The following UPB1 variants were observed in gnomAD, a reference collection of about 807,000 sequenced individuals.
The protein encoded by UPB1 is beta-ureidopropionase.
A neutral mutation model predicts 49.1 loss-of-function variants in UPB1; 40 were observed. The observed-to-expected ratio is 0.81, with a 90% CI of 0.63 to 1.06. The LOEUF (loss-of-function observed/expected upper bound fraction) is 1.06, where lower values mean the gene tolerates loss of function less well. Ranked by LOEUF, UPB1 falls within the 50% of genes least tolerant of loss-of-function variation. The pLI is 0.00. For missense variants in UPB1, 499 were observed against 505.9 expected (o/e 0.99, Z 0.13); for synonymous variants, 207 against 198.2 (o/e 1.04, Z -0.38).
intron 2 of UPB1, among the ~76,000 whole-genome samples, chr22:24,500,672 A>G (rs999259100): frequency 2.6e-5 from 4 of 152,242 alleles, no homozygotes; most frequent in African/African-American, 4.8e-5. Context: ...CTTCTGCCTT[A>G]ATCCTCAGGG....
At chr22:24,495,637 A>G in intron 1 of UPB1, 130 bp downstream of exon 1, 1 of 973,302 alleles carries the variant, frequency 1.0e-6, no homozygotes, top group Non-Finnish European at 1.6e-6. Flanking sequence ...GTTGGCGGGC[A>G]GAGACCATAG....
chr22:24,523,120 C>T (rs1295261860), intron 8 of UPB1, among the ~76,000 whole-genome samples: 2 of 152,164 alleles, frequency 1.3e-5, no homozygotes, highest in Admixed American at 6.5e-5. Context: ...GAATGAGCGT[C>T]CACTGGGTGC....
chr22:24,520,301 T>G, intron 6 of UPB1, 86 bp from the exon 7 acceptor site: 3 of 1,489,296 alleles, frequency 2.0e-6, no homozygotes, highest in African/African-American at 2.8e-5. Context: ...CAGGAAAGCC[T>G]GCAGCCAGGC....
At chr22:24,516,020 C>T (rs922565132) in intron 6 of UPB1, among the ~76,000 whole-genome samples, 2 of 152,150 alleles carry the variant, frequency 1.3e-5, no homozygotes, top group Non-Finnish European at 2.9e-5. Flanking sequence ...AGAACCCCCA[C>T]ATCTAAGTCC....
intron 4 of UPB1, among the ~76,000 whole-genome samples, chr22:24,512,789 T>C (rs2044229146): frequency 6.6e-6 from 1 of 152,322 alleles, no homozygotes; most frequent in African/African-American, 2.4e-5. Context: ...CATACAGTAT[T>C]TGTCTTTTTG....
chr22:24,509,154 G>A (rs2044146137), intron 3 of UPB1, among the ~76,000 whole-genome samples: 1 of 152,070 alleles, frequency 6.6e-6, no homozygotes, highest in African/African-American at 2.4e-5. Context: ...CAGCAGACTG[G>A]CAGGTACTAA....
At chr22:24,502,342 C>T (rs2232866) in intron 3 of UPB1, 129 bp downstream of exon 3, 579,746 of 1,043,794 alleles carry the variant, frequency 0.56, 163,114 homozygotes, top group African/African-American at 0.68. Flanking sequence ...GAAAGTTCTC[C>T]GTCCACATCA....
chr22:24,525,120 T>C (rs2044460445), intron 9 of UPB1, among the ~76,000 whole-genome samples: 1 of 152,108 alleles, frequency 6.6e-6, no homozygotes, highest in Non-Finnish European at 1.5e-5. Context: ...GTTTTCTCAT[T>C]AGACACTTCT....
chr22:24,517,946 C>G lies in UPB1; in HGVS notation c.792-2441C>G, dbSNP rs555869862. 3.9e-5 allele frequency among the ~76,000 whole-genome samples: 6 copies of G among 152,324 alleles called. No individual in the cohort carries two copies. The East Asian group carries it at 9.6e-4, about 24-fold the overall frequency. ...TTGGGAGGCCAAGGCTGGCGGATCACTTGAGGTCAGGAGTTTGAGACCATC... is the reference window on the plus strand; with the variant it reads ...TTGGGAGGCCAAGGCTGGCGGATCAGTTGAGGTCAGGAGTTTGAGACCATC... On this transcript the variant is annotated intron_variant, in intron 6 of 9. Coordinates refer to ENST00000326010, the MANE Select transcript of UPB1 (RefSeq NM_016327.3).
chr22:24,514,170 C>G (rs140415523), intron 5 of UPB1, among the ~76,000 whole-genome samples: 103 of 152,228 alleles, frequency 6.8e-4, no homozygotes, highest in African/African-American at 2.4e-3. Context: ...TGCAGTTGTT[C>G]AGGATGTGAT....
intron 3 of UPB1, chr22:24,502,572 G>GC (rs747056781): frequency 1.8e-5 from 14 of 769,780 alleles, no homozygotes; most frequent in Non-Finnish European, 2.4e-5. Flanking sequence ...CCCAGAGCCA[G>GC]CCCCCCCATC....
At position 24,495,384 on chromosome 22, in the gene UPB1, A is replaced by G. The variant is rs368237419; in HGVS notation, c.-20A>G. The stretch of plus-strand genomic sequence containing the variant: ...GGCAGGCAGTTCGTGCGCGGACACA[A>G]GCACTGGCGGACCGTGGCCATGGCG... On this transcript the variant is annotated 5_prime_UTR_variant, in exon 1 of 10. Transcript: ENST00000326010. 3.1e-6 allele frequency: 5 copies of G among 1,611,974 alleles called. No individual in the cohort carries two copies. The highest frequency in any genetic ancestry group is 4.2e-6 in the Non-Finnish European group (5 of 1,179,770).
intron 2 of UPB1, among the ~76,000 whole-genome samples, chr22:24,501,170 C>T (rs1027747111): frequency 1.3e-5 from 2 of 152,176 alleles, no homozygotes; most frequent in African/African-American, 2.4e-5. Flanking sequence ...GTATGCTTTG[C>T]GTTTTGCTAA....
At chr22:24,523,808 T>C in intron 9 of UPB1, 35 bp downstream of exon 9, 2 of 1,613,700 alleles carry the variant, frequency 1.2e-6, no homozygotes, top group Non-Finnish European at 1.7e-6. Context: ...TGCCTGCTCC[T>C]CTGCTTTGGC....
chr22:24,522,967 A>T (rs2044422152), intron 8 of UPB1, among the ~76,000 whole-genome samples: 2 of 149,532 alleles, frequency 1.3e-5, no homozygotes, highest in African/African-American at 2.4e-5. Context: ...AAAAAAAAAA[A>T]TGCCAGAAGG....
intron 1 of UPB1, among the ~76,000 whole-genome samples, chr22:24,497,901 G>A (rs2043921710): frequency 6.6e-6 from 1 of 152,198 alleles, no homozygotes; most frequent in Non-Finnish European, 1.5e-5. Flanking sequence ...ACGTCCTAGT[G>A]AACACTGTCC....
At chr22:24,514,103 G>A (rs2044252948) in intron 5 of UPB1, among the ~76,000 whole-genome samples, 1 of 152,238 alleles carries the variant, frequency 6.6e-6, no homozygotes, top group African/African-American at 2.4e-5. Context: ...TTTGAAGGAG[G>A]GAAATGACCT....
rs774887595 is a variant in UPB1 at position 24,495,492 on chromosome 22, A to G, written c.89A>G (p.Tyr30Cys). ...PDLQEVKRVL[Y>C]GKELRKLDLP... Reference sequence around the variant, plus strand: ...TTGCAGGAAGTGAAGCGCGTTCTCTATGGCAAGGAACTCAGGTCCGCAGCC... The same window carrying G: ...TTGCAGGAAGTGAAGCGCGTTCTCTGTGGCAAGGAACTCAGGTCCGCAGCC... Residue 30 changes from tyrosine to cysteine, a missense_variant, in exon 1 of 10, where the codon TAT becomes TGT. Physicochemically the swap from Tyr to Cys is radical, Grantham distance 194. Transcript: ENST00000326010. The G allele has an allele frequency of 4.3e-6, 7 of 1,614,050 alleles. 1 individual carries two copies. The highest frequency in any genetic ancestry group is 1.6e-4 in the Middle Eastern group (1 of 6,062).
intron 6 of UPB1, 154 bp from the exon 7 acceptor site, chr22:24,520,233 C>T: frequency 1.2e-6 from 1 of 829,058 alleles, no homozygotes; most frequent in Non-Finnish European, 2.0e-6. Flanking sequence ...CCTGGTTGTC[C>T]CCACCACTGG....
Sources: gnomAD v4.1 joint callset for allele counts (sites outside exome capture counted in the v4.1 genomes callset) on GRCh38, gnomAD v4.1.1 for gene constraint, MANE v1.5 for transcripts, NCBI Gene and HGNC (gene_info 2026-07-23, HGNC 2026-07-21) for gene names.